The following PBX4 variants were observed in gnomAD, a reference collection of about 807,000 sequenced individuals.
PBX4 encodes PBX homeobox 4, also known as pre-B-cell leukemia transcription factor 4.
Under a neutral mutation model 35.1 loss-of-function variants are expected in PBX4, and 26 were observed. That is an observed-to-expected ratio of 0.74 (90% confidence interval 0.54 to 1.03). The LOEUF (loss-of-function observed/expected upper bound fraction) is 1.03. PBX4 is among the 50% of genes least tolerant of loss of function. The pLI is 0.00. For synonymous variants in PBX4, 199 were observed against 204.2 expected (o/e 0.97, Z 0.22); for missense variants, 448 against 504.3 (o/e 0.89, Z 1.07).
At chr19:19,566,117 A>T (rs1793484703) in intron 5 of PBX4, among the ~76,000 whole-genome samples, 1 of 152,042 alleles carries the variant, frequency 6.6e-6, no homozygotes, top group Non-Finnish European at 1.5e-5. Flanking sequence ...GCTGTAAGAA[A>T]GCAGAGGCAG....
At chr19:19,592,485 T>C (rs1351990446) in intron 2 of PBX4, among the ~76,000 whole-genome samples, 3 of 151,994 alleles carry the variant, frequency 2.0e-5, no homozygotes, top group Non-Finnish European at 2.9e-5. Flanking sequence ...GAGACAAGCT[T>C]TGAGGGACCT....
Position 19,563,420 on chromosome 19 carries a change from G to T in PBX4, c.1032+89C>A. On this transcript the variant is annotated intron_variant, in intron 7 of 7. Coordinates refer to ENST00000251203, the MANE Select transcript of PBX4 (RefSeq NM_025245.3). This position sits in a 1 kb window ranked among gnomAD's most constrained non-coding sequence, Gnocchi z 5.1. ...GGCTGCTGGGACCTCTGGGGAAGCTGCCCCAAGGCCGAGGGGTGGCTGACA... is the reference window on the plus strand; with the variant it reads ...GGCTGCTGGGACCTCTGGGGAAGCTTCCCCAAGGCCGAGGGGTGGCTGACA... 9.2e-7 allele frequency: 1 copy of T among 1,081,604 alleles called. No homozygotes were observed. The highest frequency in any genetic ancestry group is 1.3e-6 in the Non-Finnish European group (1 of 759,526). The allele number at this position is 1,081,604 out of a possible 1,614,324, so 67.0% of individuals were successfully genotyped here. A position where few individuals can be genotyped will look rare whatever the true frequency, so the allele number is the denominator to read the frequency against.
At position 19,569,556 on chromosome 19, in the gene PBX4, C is replaced by A. The variant is rs2061367384; in HGVS notation, c.661G>T (p.Ala221Ser). 2 of 1,613,708 alleles carry A rather than the reference C, an allele frequency of 1.2e-6. No homozygotes were observed. The highest frequency in any genetic ancestry group is 4.5e-5 in the East Asian group (2 of 44,842). Residue 221 changes from alanine (A) to serine (S), a missense_variant, in exon 5 of 8, where the codon GCG becomes TCG. Coordinates refer to ENST00000251203, the MANE Select transcript of PBX4 (RefSeq NM_025245.3). ...RRKRRNFSKQ[A>S]TEVLNEYFYS... ...AAATACTCATTCAGCACTTCCGTCGCCTGCTTGCTGAAATTCCGCCGCTTG... is the reference window on the plus strand; with the variant it reads ...AAATACTCATTCAGCACTTCCGTCGACTGCTTGCTGAAATTCCGCCGCTTG...
At chr19:19,597,829 T>G (rs2061569861) in intron 2 of PBX4, among the ~76,000 whole-genome samples, 1 of 152,120 alleles carries the variant, frequency 6.6e-6, no homozygotes, top group Non-Finnish European at 1.5e-5. Flanking sequence ...GTGATCAAGG[T>G]CAATGGTAGC....
intron 1 of PBX4, among the ~76,000 whole-genome samples, chr19:19,616,594 G>A (rs2061690350): frequency 6.6e-6 from 1 of 152,036 alleles, no homozygotes; most frequent in African/African-American, 2.4e-5. Context: ...AGGGATTACA[G>A]GTGTCAGCCA....
chr19:19,590,608 A>G (rs1168261912), intron 2 of PBX4, among the ~76,000 whole-genome samples: 1 of 151,786 alleles, frequency 6.6e-6, no homozygotes, highest in Admixed American at 6.6e-5. Flanking sequence ...AGCTGGGATT[A>G]CAGGCATATG....
rs143493469 is a variant in PBX4, at chr19:19,577,599, G to A, written c.194-6766C>T. Among the ~76,000 whole-genome samples, 618 of 152,266 alleles carry A rather than the reference G, an allele frequency of 4.1e-3. 4 individuals are homozygous for A. Among genetic ancestry groups the A allele is most frequent in the African/African-American group, 0.014 (592 of 41,536 alleles). ...TACACATTTTTGGCCGGGCTTGGTGGCTCACGCCTATAATCCCAGCACTTT... is the reference window on the plus strand; with the variant it reads ...TACACATTTTTGGCCGGGCTTGGTGACTCACGCCTATAATCCCAGCACTTT... On this transcript the variant is annotated intron_variant, in intron 2 of 7. Transcript: ENST00000251203.
At chr19:19,579,073 G>A (rs966672056) in intron 2 of PBX4, among the ~76,000 whole-genome samples, 3 of 152,122 alleles carry the variant, frequency 2.0e-5, no homozygotes, top group South Asian at 2.1e-4. Flanking sequence ...AGTCTGGGCC[G>A]GGCGTGGTGG....
intron 2 of PBX4, among the ~76,000 whole-genome samples, chr19:19,583,443 T>A (rs1376883047): frequency 6.6e-6 from 1 of 151,494 alleles, no homozygotes; most frequent in Non-Finnish European, 1.5e-5. Flanking sequence ...AGACCCCATC[T>A]CTACAAAAAA....
At position 19,570,744 on chromosome 19, in the gene PBX4, T is replaced by C. The variant is rs375963844; in HGVS notation, c.283A>G (p.Arg95Gly). The C allele has an allele frequency of 2.9e-4, 473 of 1,613,986 alleles. 1 individual carries two copies. Among genetic ancestry groups the C allele is most frequent in the Non-Finnish European group, 4.0e-4 (467 of 1,180,018 alleles). The change falls in exon 3 of 8, where the codon AGG (arginine) becomes GGG (glycine). Residue 95 changes from arginine to glycine, a missense_variant. Arg to Gly is a moderately radical substitution (Grantham distance 125, BLOSUM62 -2). Transcript: ENST00000251203. The part of the protein sequence containing the change: ...DNMLLAEGVC[R>G]PEKRGRGGAV... ...CCTCCTCTTCCTCTCTTCTCGGGCC[T>C]GCACACGCCCTCAGCCAGCAGCATG...
intron 6 of PBX4, among the ~76,000 whole-genome samples, chr19:19,564,040 G>A (rs2061325531): frequency 6.6e-6 from 1 of 151,500 alleles, no homozygotes; most frequent in South Asian, 2.1e-4. Context: ...TGTGCACAAT[G>A]TGCAGGTTTG....
intron 2 of PBX4, among the ~76,000 whole-genome samples, chr19:19,589,416 T>G (rs1300833620): frequency 6.9e-6 from 1 of 145,984 alleles, no homozygotes; most frequent in Non-Finnish European, 1.5e-5. Flanking sequence ...CCTGGGCAAC[T>G]GAGCGAGACT....
In PBX4 at chr19:19,569,485, T is replaced by G; in HGVS notation, c.732A>C (p.Glu244Asp). ...NNPYPSEEAKEELARKGGLTI... is the reference protein window; with the variant it reads ...NNPYPSEEAKDELARKGGLTI... Reference sequence around the variant, plus strand: ...TGAGGCCGCCCTTCCTGGCCAGCTCTTCTTTGGCTTCTTCGCTGGGGTAAG... The same window carrying G: ...TGAGGCCGCCCTTCCTGGCCAGCTCGTCTTTGGCTTCTTCGCTGGGGTAAG... The change falls in exon 5 of 8, where the codon GAA (glutamate) becomes GAC (aspartate). Residue 244 changes from glutamate to aspartate, a missense_variant. Transcript: ENST00000251203. 1.2e-6 allele frequency: 2 copies of G among 1,613,592 alleles called. No homozygotes were observed. Among genetic ancestry groups the G allele is most frequent in the Non-Finnish European group, 8.5e-7 (1 of 1,179,752 alleles).
chr19:19,564,770 T>C (rs2061330561), intron 6 of PBX4, 163 bp downstream of exon 6: 4 of 875,266 alleles, frequency 4.6e-6, no homozygotes, highest in African/African-American at 1.7e-5. Flanking sequence ...GTTGGGATCA[T>C]GGCCAAGAGG....
chr19:19,612,795 G>C (rs539123471), intron 1 of PBX4, among the ~76,000 whole-genome samples: 2 of 151,834 alleles, frequency 1.3e-5, no homozygotes, highest in Admixed American at 1.3e-4. Context: ...TAACACCTGT[G>C]TTATCAAGCA....
intron 1 of PBX4, among the ~76,000 whole-genome samples, chr19:19,611,040 T>C (rs2061660282): frequency 6.6e-6 from 1 of 152,228 alleles, no homozygotes; most frequent in Non-Finnish European, 1.5e-5. Flanking sequence ...AACCCTTGCA[T>C]TCTTTGAATG....
chr19:19,615,906 T>C (rs1232768124), intron 1 of PBX4, among the ~76,000 whole-genome samples: 2 of 151,900 alleles, frequency 1.3e-5, no homozygotes, highest in South Asian at 2.1e-4. Context: ...ACACACACAA[T>C]TCATTGAAGA....
intron 1 of PBX4, among the ~76,000 whole-genome samples, chr19:19,609,549 G>GAA (rs11300224): frequency 0.02 from 1,731 of 85,004 alleles, 71 homozygotes; most frequent in African/African-American, 0.073. Flanking sequence ...AAATCCATAT[G>GAA]AAAAAAAAAA....
chr19:19,577,946 G>A (rs2061430792), intron 2 of PBX4, among the ~76,000 whole-genome samples: 2 of 150,420 alleles, frequency 1.3e-5, no homozygotes, highest in South Asian at 4.2e-4. Context: ...GGGAGGCCGA[G>A]GCAGGCAGAT....
Sources: allele counts gnomAD v4.1 joint callset (sites outside exome capture counted in the v4.1 genomes callset), GRCh38; gene constraint gnomAD v4.1.1; non-coding constraint Gnocchi (gnomAD v3.1); transcripts MANE v1.5; gene names NCBI Gene and HGNC (gene_info 2026-07-23, HGNC 2026-07-21).